DENND1A: variants seen among roughly 807,000 people sequenced by gnomAD.
DENND1A encodes the protein DENN domain-containing protein 1A.
Under a neutral mutation model 113.7 loss-of-function variants are expected in DENND1A, and 51 were observed. The ratio of observed to expected loss-of-function variants is 0.45; its 90% CI spans 0.36 to 0.57. The LOEUF (loss-of-function observed/expected upper bound fraction) is 0.57. Among genes scored for constraint, DENND1A ranks in the 20% least tolerant of loss-of-function variants. The probability of loss-of-function intolerance (pLI) is 0.00; values close to 1 mark genes in which losing one functional copy is unlikely to be tolerated. For missense variants in DENND1A, 1,258 were observed against 1,395.9 expected, an observed-to-expected ratio of 0.90 and a Z score of 1.57; for synonymous variants, 565 against 570.8, an observed-to-expected ratio of 0.99 and a Z score of 0.14.
intron 8 of DENND1A, among the ~76,000 whole-genome samples, chr9:123,656,239 A>C (rs1432578012): frequency 1.3e-5 from 2 of 151,176 alleles, no homozygotes; most frequent in East Asian, 3.9e-4. Flanking sequence ...AGAGAGTGAG[A>C]GGCAGGGCGG....
chr9:123,778,738 C>G (rs923387324), intron 3 of DENND1A, among the ~76,000 whole-genome samples: 3 of 152,088 alleles, frequency 2.0e-5, no homozygotes, highest in Non-Finnish European at 4.4e-5. Context: ...CAGCTGGCTT[C>G]AGGCTATAGT....
chr9:123,556,747 T>G (rs1475751460), intron 13 of DENND1A, among the ~76,000 whole-genome samples: 1 of 152,072 alleles, frequency 6.6e-6, no homozygotes, highest in Non-Finnish European at 1.5e-5. Context: ...TCCAACATTC[T>G]CCCCTCTGCA....
At chr9:123,434,126 A>C (rs920554663) in intron 19 of DENND1A, among the ~76,000 whole-genome samples, 1 of 152,230 alleles carries the variant, frequency 6.6e-6, no homozygotes. Flanking sequence ...TCCCGGGTTC[A>C]AGCAATTCTC....
chr9:123,462,287 G>A (rs890947415), intron 13 of DENND1A, among the ~76,000 whole-genome samples: 2 of 152,214 alleles, frequency 1.3e-5, no homozygotes, highest in African/African-American at 2.4e-5. Flanking sequence ...TCATGAAGTC[G>A]AAATTACACT....
At chr9:123,531,757 A>G (rs2055342257) in intron 13 of DENND1A, among the ~76,000 whole-genome samples, 1 of 152,208 alleles carries the variant, frequency 6.6e-6, no homozygotes, top group African/African-American at 2.4e-5. Flanking sequence ...ACATGCTAGA[A>G]ATAAGAAACT....
At chr9:123,906,221 A>C (rs1266763426) in intron 1 of DENND1A, among the ~76,000 whole-genome samples, 13 of 145,048 alleles carry the variant, frequency 9.0e-5, no homozygotes, top group African/African-American at 3.2e-4. Context: ...TGTAGAGGGA[A>C]ATTTATAGCA....
At chr9:123,557,111 T>C (rs2057461966) in intron 13 of DENND1A, among the ~76,000 whole-genome samples, 1 of 152,142 alleles carries the variant, frequency 6.6e-6, no homozygotes, top group Non-Finnish European at 1.5e-5. Flanking sequence ...AGCGGTCCCG[T>C]GAAAGAACAG....
At chr9:123,406,979 C>T (rs561100869) in intron 20 of DENND1A, among the ~76,000 whole-genome samples, 9 of 152,144 alleles carry the variant, frequency 5.9e-5, no homozygotes, top group East Asian at 1.9e-4. Context: ...GCAACTTCAA[C>T]TGAACTTGCA....
chr9:123,819,992 A>C (rs987189320), intron 2 of DENND1A, among the ~76,000 whole-genome samples: 1 of 152,256 alleles, frequency 6.6e-6, no homozygotes, highest in East Asian at 1.9e-4. Flanking sequence ...AGATACCTAC[A>C]TATATGGTAA....
Position 123,527,965 on chromosome 9 carries a change from G to A in DENND1A, c.993+29605C>T, listed in dbSNP as rs1036561058. On this transcript the variant is annotated intron_variant, in intron 13 of 23. Coordinates refer to ENST00000394215, the MANE Select transcript of DENND1A (RefSeq NM_001352964.2). ...GTTGCTATCTATCTCTCAGGTTGCTGTATTAAATGAGATGACATGTGAACG... is the reference window on the plus strand; with the variant it reads ...GTTGCTATCTATCTCTCAGGTTGCTATATTAAATGAGATGACATGTGAACG... Among the ~76,000 whole-genome samples, 8 of 152,280 alleles carry A rather than the reference G, an allele frequency of 5.3e-5. 2 individuals are homozygous for A. The highest frequency in any genetic ancestry group is 5.2e-4 in the Admixed American group (8 of 15,304).
intron 9 of DENND1A, among the ~76,000 whole-genome samples, chr9:123,636,964 A>G (rs1278393764): frequency 2.0e-5 from 3 of 152,224 alleles, no homozygotes; most frequent in African/African-American, 7.2e-5. Flanking sequence ...TGCCTGGATT[A>G]TAGGCGTGAG....
intron 2 of DENND1A, among the ~76,000 whole-genome samples, chr9:123,824,844 T>C (rs1839054725): frequency 6.6e-6 from 1 of 152,230 alleles, no homozygotes; most frequent in African/African-American, 2.4e-5. Context: ...CTTCATTATG[T>C]GGTACCAAAC....
intron 1 of DENND1A, among the ~76,000 whole-genome samples, chr9:123,901,136 T>A (rs1210534544): frequency 1.3e-5 from 2 of 152,194 alleles, no homozygotes; most frequent in Non-Finnish European, 2.9e-5. Context: ...AGCAGTCAAC[T>A]GACATGTTCA....
chr9:123,468,046 C>G (rs2049100129), intron 13 of DENND1A, among the ~76,000 whole-genome samples: 1 of 152,172 alleles, frequency 6.6e-6, no homozygotes, highest in Non-Finnish European at 1.5e-5. Flanking sequence ...CAACCACCAC[C>G]TGTACCCAGG....
At chr9:123,743,367 C>T (rs2069179926) in intron 5 of DENND1A, among the ~76,000 whole-genome samples, 1 of 151,442 alleles carries the variant, frequency 6.6e-6, no homozygotes, top group Non-Finnish European at 1.5e-5. Context: ...TGCCACTGCA[C>T]TCCAGCCTGA....
chr9:123,693,036 T>G (rs1253415780), intron 5 of DENND1A, among the ~76,000 whole-genome samples: 1 of 152,244 alleles, frequency 6.6e-6, no homozygotes, highest in Non-Finnish European at 1.5e-5. Flanking sequence ...CCAAAGCTCA[T>G]GATCCTTTTT....
At chr9:123,785,564 T>C (rs903751262) in intron 3 of DENND1A, among the ~76,000 whole-genome samples, 6 of 152,166 alleles carry the variant, frequency 3.9e-5, no homozygotes, top group Non-Finnish European at 7.3e-5. Context: ...TGGGACACTT[T>C]TAAACATATA....
chr9:123,494,841 G>C (rs1042227728), intron 13 of DENND1A, among the ~76,000 whole-genome samples: 1 of 151,946 alleles, frequency 6.6e-6, no homozygotes, highest in Non-Finnish European at 1.5e-5. Context: ...GCCCAGGTTG[G>C]AGTGCAGTGG....
chr9:123,570,933 T>C (rs2058321966), intron 12 of DENND1A, among the ~76,000 whole-genome samples: 1 of 152,178 alleles, frequency 6.6e-6, no homozygotes, highest in South Asian at 2.1e-4. Context: ...AACACGCCTT[T>C]AGATCTAAAA....
Sources: allele counts gnomAD v4.1 joint callset (sites outside exome capture counted in the v4.1 genomes callset), GRCh38; gene constraint gnomAD v4.1.1; transcripts MANE v1.5; gene names NCBI Gene and HGNC (gene_info 2026-07-23, HGNC 2026-07-21).